Variants in GPM6A observed in about 807,000 individuals in gnomAD.
GPM6A encodes the protein glycoprotein M6A.
A neutral mutation model predicts 32.1 loss-of-function variants in GPM6A; 7 were observed. The observed-to-expected ratio is 0.22, with a 90% CI of 0.12 to 0.41. The LOEUF (loss-of-function observed/expected upper bound fraction) is 0.41. GPM6A is among the 10% of genes least tolerant of loss of function. The pLI is 1.00. For synonymous variants in GPM6A, 130 were observed against 123.4 expected, an observed-to-expected ratio of 1.05 and a Z score of -0.35; for missense variants, 235 against 347.2, an observed-to-expected ratio of 0.68 and a Z score of 2.57.
At chr4:175,931,729 G>T (rs1739053953) in intron 1 of GPM6A, among the ~76,000 whole-genome samples, 1 of 137,448 alleles carries the variant, frequency 7.3e-6, no homozygotes, top group African/African-American at 3.0e-5. Flanking sequence ...TATATATATA[G>T]CAGAATTATG....
At chr4:175,841,664 A>G (rs910243092) in intron 1 of GPM6A, among the ~76,000 whole-genome samples, 2 of 152,224 alleles carry the variant, frequency 1.3e-5, no homozygotes, top group African/African-American at 2.4e-5. Flanking sequence ...AACATTTTCA[A>G]TAAAAGGAAT....
intron 1 of GPM6A, among the ~76,000 whole-genome samples, chr4:175,912,172 C>T (rs1738341691): frequency 6.6e-6 from 1 of 151,982 alleles, no homozygotes; most frequent in Admixed American, 6.6e-5. Context: ...TTTTTATTAA[C>T]TTTATATGAA....
intron 1 of GPM6A, among the ~76,000 whole-genome samples, chr4:175,763,234 G>A (rs918760616): frequency 6.6e-6 from 1 of 151,858 alleles, no homozygotes; most frequent in East Asian, 1.9e-4. Flanking sequence ...GGCTGGTCTC[G>A]AACTCCTGAC....
chr4:175,647,093 A>G (rs1006833598), intron 4 of GPM6A, among the ~76,000 whole-genome samples: 4 of 152,268 alleles, frequency 2.6e-5, no homozygotes, highest in Admixed American at 1.3e-4. Context: ...CCTACTGAGA[A>G]GTGCTTTATG....
rs187937275 is a variant in GPM6A, at chr4:175,922,407, A to G, written c.-23+79902T>C. On this transcript the variant is annotated intron_variant, in intron 1 of 7. Transcript: ENST00000280187. ...CCCTTGGACTCTTCAGCCTGATATTAGTCCAGCTCCATAATTATCTCAGAG... is the reference window on the plus strand; with the variant it reads ...CCCTTGGACTCTTCAGCCTGATATTGGTCCAGCTCCATAATTATCTCAGAG... Among the ~76,000 whole-genome samples, 16 of 152,282 alleles carry G rather than the reference A, an allele frequency of 1.1e-4. 1 individual carries two copies. Among genetic ancestry groups the G allele is most frequent in the Admixed American group, 6.5e-4 (10 of 15,294 alleles).
chr4:175,722,491 A>T (rs77561796), intron 1 of GPM6A, among the ~76,000 whole-genome samples: 6,494 of 152,230 alleles, frequency 0.043, 184 homozygotes, highest in Non-Finnish European at 0.064. Flanking sequence ...AATACCCCTA[A>T]GGAAAATCCA....
At chr4:175,672,997 CAT>C (rs1030676034) in intron 3 of GPM6A, among the ~76,000 whole-genome samples, 42 of 152,128 alleles carry the variant, frequency 2.8e-4, no homozygotes, top group African/African-American at 9.9e-4. Context: ...TAATTAGACA[CAT>C]GTTGTTACAT....
At position 175,919,325 on chromosome 4, in the gene GPM6A, C is replaced by T. The variant is rs192899852; in HGVS notation, c.-23+82984G>A. On this transcript the variant is annotated intron_variant, in intron 1 of 7. Transcript: ENST00000280187. ...AAGGTGACTTGTGGGTCTCACTCCA[C>T]CATAACCTGCTTAAATCCAGGATCT... Among the ~76,000 whole-genome samples the T allele has an allele frequency of 4.6e-5, 7 of 152,258 alleles. No individual in the cohort carries two copies. In the East Asian group the frequency reaches 1.4e-3, roughly 29 times the overall value.
chr4:175,806,307 ATATC>A (rs1032386647), intron 1 of GPM6A, among the ~76,000 whole-genome samples: 15 of 152,196 alleles, frequency 9.9e-5, no homozygotes, highest in African/African-American at 2.9e-4. Context: ...GACACTATCA[ATATC>A]TATCTATCTA....
At chr4:175,784,955 C>G (rs1201966733) in intron 1 of GPM6A, among the ~76,000 whole-genome samples, 1 of 152,186 alleles carries the variant, frequency 6.6e-6, no homozygotes, top group Admixed American at 6.5e-5. Context: ...TGGTAATAGT[C>G]AAAGATCTCA....
chr4:175,650,390 T>C (rs1205013635), intron 4 of GPM6A, among the ~76,000 whole-genome samples: 2 of 151,960 alleles, frequency 1.3e-5, no homozygotes, highest in African/African-American at 4.8e-5. Flanking sequence ...CTACAACCTC[T>C]GCCTCCTGGG....
intron 4 of GPM6A, among the ~76,000 whole-genome samples, chr4:175,646,989 A>C (rs992595638): frequency 6.6e-6 from 1 of 152,240 alleles, no homozygotes; most frequent in East Asian, 1.9e-4. Context: ...TTTCTGTCTC[A>C]GTGACTGGCT....
chr4:175,725,017 C>T (rs939357177), intron 1 of GPM6A, among the ~76,000 whole-genome samples: 1 of 152,172 alleles, frequency 6.6e-6, no homozygotes. Flanking sequence ...GAACTAACCT[C>T]TTCATTTGCC....
chr4:175,852,090 A>G (rs1215692024), intron 1 of GPM6A, among the ~76,000 whole-genome samples: 1 of 152,168 alleles, frequency 6.6e-6, no homozygotes, highest in African/African-American at 2.4e-5. Flanking sequence ...AATACTTGGA[A>G]TTGGGGCTTT....
intron 2 of GPM6A, among the ~76,000 whole-genome samples, chr4:175,692,160 T>C (rs73002118): frequency 0.047 from 7,167 of 152,262 alleles, 199 homozygotes; most frequent in Non-Finnish European, 0.063. Context: ...GCAGCAGCAA[T>C]GGTAAGCTAG....
Position 175,637,260 on chromosome 4 carries a change from AT to A in GPM6A, c.685-2204del, listed in dbSNP as rs1740720734. Among the ~76,000 whole-genome samples the A allele has an allele frequency of 8.9e-5, 3 of 33,828 alleles. No homozygotes were observed. In the Admixed American group the frequency reaches 1.9e-3, roughly 21 times the overall value. 22.2% of individuals were successfully genotyped at this position (33,828 alleles called of 152,430 possible). ...TATTATATATTATATATAATATAAA[AT>A]ATATATTATATATTATATATTATAT... On this transcript the variant is annotated intron_variant, in intron 6 of 6. Transcript: ENST00000393658.
chr4:175,860,686 A>G (rs934219107), intron 1 of GPM6A, among the ~76,000 whole-genome samples: 2 of 152,190 alleles, frequency 1.3e-5, no homozygotes, highest in Non-Finnish European at 2.9e-5. Flanking sequence ...GTGACAAGCA[A>G]GCAGAACCCC....
intron 1 of GPM6A, among the ~76,000 whole-genome samples, chr4:175,712,658 C>A (rs148229452): frequency 6.6e-6 from 1 of 152,160 alleles, no homozygotes; most frequent in Non-Finnish European, 1.5e-5. Context: ...AATAAGAGAA[C>A]AATTAAATCA....
At chr4:175,896,467 C>T (rs558923907) in intron 1 of GPM6A, among the ~76,000 whole-genome samples, 25 of 152,238 alleles carry the variant, frequency 1.6e-4, no homozygotes, top group African/African-American at 5.8e-4. Flanking sequence ...TGTCTGCCCC[C>T]TTTGAAGCCT....
Sources: gnomAD v4.1 joint callset for allele counts (sites outside exome capture counted in the v4.1 genomes callset) on GRCh38, gnomAD v4.1.1 for gene constraint, MANE v1.5 for transcripts, NCBI Gene and HGNC (gene_info 2026-07-23, HGNC 2026-07-21) for gene names.